PLCZ1: variants seen among roughly 807,000 people sequenced by gnomAD.
PLCZ1 encodes 1-phosphatidylinositol 4,5-bisphosphate phosphodiesterase zeta-1.
A neutral mutation model predicts 76.8 loss-of-function variants in PLCZ1; 64 were observed. The ratio of observed to expected loss-of-function variants is 0.83; its 90% CI spans 0.68 to 1.03. The LOEUF (loss-of-function observed/expected upper bound fraction) is 1.03, where lower values mean the gene tolerates loss of function less well. Among genes scored for constraint, PLCZ1 ranks in the 50% least tolerant of loss-of-function variants. The pLI is 0.00. For missense variants in PLCZ1, 751 were observed against 713.7 expected, an observed-to-expected ratio of 1.05 and a Z score of -0.60; for synonymous variants, 248 against 230.8, an observed-to-expected ratio of 1.07 and a Z score of -0.68.
chr12:18,676,303 T>C, the PLCZ1 span, among the ~76,000 whole-genome samples: 3 of 152,148 alleles, frequency 2.0e-5, no homozygotes, highest in Non-Finnish European at 4.4e-5. Flanking sequence ...TGTCTATATT[T>C]GCTTAAACCA....
At chr12:18,720,182 T>C (rs557752672) in intron 4 of PLCZ1, among the ~76,000 whole-genome samples, 2 of 152,244 alleles carry the variant, frequency 1.3e-5, no homozygotes, top group African/African-American at 2.4e-5. Flanking sequence ...TTGCATGTAG[T>C]TATAGTTATA....
At chr12:18,681,134 C>T (rs1282028925), downstream of PLCZ1, among the ~76,000 whole-genome samples, 1 of 151,986 alleles carries the variant, frequency 6.6e-6, no homozygotes, top group Non-Finnish European at 1.5e-5. Context: ...TATTGTTCAA[C>T]AAGGAAACAC....
chr12:18,702,208 A>G (rs573149758), intron 7 of PLCZ1, among the ~76,000 whole-genome samples: 2 of 152,226 alleles, frequency 1.3e-5, no homozygotes, highest in Admixed American at 6.5e-5. Flanking sequence ...AATGTCTATC[A>G]TAAGTGTCTG....
intron 10 of PLCZ1, among the ~76,000 whole-genome samples, chr12:18,699,515 T>C (rs1955594702): frequency 1.3e-5 from 2 of 152,084 alleles, no homozygotes; most frequent in Admixed American, 6.6e-5. Flanking sequence ...TGCTCTCCTA[T>C]ACAAGCTGCT....
At chr12:18,736,960 A>T (rs1959387238) in intron 2 of PLCZ1, among the ~76,000 whole-genome samples, 2 of 152,238 alleles carry the variant, frequency 1.3e-5, no homozygotes, top group Non-Finnish European at 2.9e-5. Flanking sequence ...AACGAAAAAA[A>T]TTTTTAAAAG....
rs182732008 is a variant in PLCZ1, at chr12:18,731,877, T to C, written c.135+4344A>G. ...TTCCTTCTGTCATCTAGTGACAGCA[T>C]TGAGCCAGGTTTCCCTCCTACTAGT... is the stretch of plus-strand genomic sequence containing the variant. On this transcript the variant is annotated intron_variant, in intron 3 of 14. Coordinates refer to ENST00000266505, the MANE Select transcript of PLCZ1 (RefSeq NM_033123.4). 2.9e-3 allele frequency among the ~76,000 whole-genome samples: 445 copies of C among 152,278 alleles called. 5 individuals carry two copies. Among genetic ancestry groups the C allele is most frequent in the African/African-American group, 9.9e-3 (410 of 41,566 alleles).
chr12:18,717,083 A>C (rs11835919), intron 5 of PLCZ1, among the ~76,000 whole-genome samples: 2,005 of 152,246 alleles, frequency 0.013, 45 homozygotes, highest in African/African-American at 0.046. Flanking sequence ...TTTCATACTA[A>C]GCATGTGTCT....
At chr12:18,670,303 C>CAA in the PLCZ1 span, among the ~76,000 whole-genome samples, 1 of 152,104 alleles carries the variant, frequency 6.6e-6, no homozygotes, top group Non-Finnish European at 1.5e-5. Flanking sequence ...CGCACACACA[C>CAA]ACACACACAA....
the PLCZ1 span, among the ~76,000 whole-genome samples, chr12:18,672,268 C>G: frequency 1.2e-4 from 18 of 152,216 alleles, no homozygotes; most frequent in East Asian, 3.5e-3. Flanking sequence ...CTGTCTTATT[C>G]TAACTTAATT....
intron 2 of PLCZ1, 150 bp from the exon 3 acceptor site, chr12:18,736,494 T>TA (rs1388985846): frequency 1.1e-5 from 13 of 1,222,216 alleles, no homozygotes; most frequent in Non-Finnish European, 1.4e-5. Context: ...AAATATTTTT[T>TA]AAAAAACAAA....
the PLCZ1 span, among the ~76,000 whole-genome samples, chr12:18,657,928 C>T: frequency 6.6e-6 from 1 of 151,884 alleles, no homozygotes; most frequent in Non-Finnish European, 1.5e-5. Context: ...CTTAAGGAAA[C>T]CACATACAAA....
the PLCZ1 span, chr12:18,647,980 C>T: frequency 1.3e-6 from 2 of 1,597,326 alleles, no homozygotes; most frequent in Non-Finnish European, 1.7e-6. Flanking sequence ...TCTGTAGTGT[C>T]CCACTCGATA....
chr12:18,682,681 C>G (rs190161529), downstream of PLCZ1, among the ~76,000 whole-genome samples: 1 of 152,092 alleles, frequency 6.6e-6, no homozygotes, highest in African/African-American at 2.4e-5. Flanking sequence ...GCAGGCAAAT[C>G]AATTTTATAC....
At chr12:18,648,276 G>T in the PLCZ1 span, 1 of 260,948 alleles carries the variant, frequency 3.8e-6, no homozygotes. Flanking sequence ...AATAATAAAA[G>T]ACCTTTATTA....
intron 3 of PLCZ1, among the ~76,000 whole-genome samples, chr12:18,731,312 T>C (rs1320292954): frequency 1.3e-5 from 2 of 151,930 alleles, no homozygotes; most frequent in African/African-American, 4.8e-5. Flanking sequence ...GTTTACTGTT[T>C]CCTATAATAA....
intron 3 of PLCZ1, among the ~76,000 whole-genome samples, chr12:18,733,950 G>A (rs1328623004): frequency 1.3e-5 from 2 of 152,008 alleles, no homozygotes; most frequent in African/African-American, 4.8e-5. Flanking sequence ...GTTATTCAGG[G>A]TCTTTTTTGA....
the PLCZ1 span, among the ~76,000 whole-genome samples, chr12:18,667,336 A>G: frequency 6.6e-6 from 1 of 152,182 alleles, no homozygotes; most frequent in South Asian, 2.1e-4. Context: ...CAAGAAGTTA[A>G]CAGTCATCAA....
chr12:18,665,408 G>GA, the PLCZ1 span, among the ~76,000 whole-genome samples: 1 of 151,004 alleles, frequency 6.6e-6, no homozygotes, highest in Non-Finnish European at 1.5e-5. Context: ...TTCACCACAA[G>GA]AAAAAAAAAT....
At chr12:18,651,911 C>T in the PLCZ1 span, among the ~76,000 whole-genome samples, 1 of 152,164 alleles carries the variant, frequency 6.6e-6, no homozygotes, top group African/African-American at 2.4e-5. Flanking sequence ...TAAGGACCAG[C>T]TCTTTCCATT....
Sources: gnomAD v4.1 joint callset for allele counts (sites outside exome capture counted in the v4.1 genomes callset) on GRCh38, gnomAD v4.1.1 for gene constraint, MANE v1.5 for transcripts, NCBI Gene and HGNC (gene_info 2026-07-23, HGNC 2026-07-21) for gene names.